Variants in CYP1A2 observed in about 807,000 individuals in gnomAD.
CYP1A2 encodes cytochrome P450 family 1 subfamily A member 2, also known as cytochrome P450 1A2.
CYP1A2 carries 35 observed loss-of-function variants against 34.7 expected under a neutral mutation model. The ratio of observed to expected loss-of-function variants is 1.01; its 90% CI spans 0.77 to 1.34. CYP1A2 has a LOEUF of 1.34. CYP1A2 is among the 40% of genes most tolerant of loss of function. CYP1A2 has a pLI of 0.00. For synonymous variants in CYP1A2, 288 were observed against 281.9 expected (o/e 1.02, Z -0.22); for missense variants, 675 against 675.8 (o/e 1.00, Z 0.01).
Position 74,750,025 on chromosome 15 carries a change from A to C in CYP1A2, c.287A>C (p.Gln96Pro). The change falls in exon 2 of 7, where the codon CAG becomes CCG. Residue 96 changes from glutamine to proline, a missense_variant. Physicochemically the swap from Gln to Pro is moderately conservative, Grantham distance 76. Coordinates refer to ENST00000343932, the MANE Select transcript of CYP1A2 (RefSeq NM_000761.5). ...LVLSRLDTIRQALVRQGDDFK... is the reference protein window; with the variant it reads ...LVLSRLDTIRPALVRQGDDFK... ...CTGAGCCGCCTGGACACCATCCGGCAGGCCCTGGTGCGGCAGGGCGACGAT... is the reference window on the plus strand; with the variant it reads ...CTGAGCCGCCTGGACACCATCCGGCCGGCCCTGGTGCGGCAGGGCGACGAT... 1 of 1,614,054 alleles carries C rather than the reference A, an allele frequency of 6.2e-7. No individual in the cohort carries two copies. Among genetic ancestry groups the C allele is most frequent in the East Asian group, 2.2e-5 (1 of 44,870 alleles).
At chr15:74,750,691 C>T in intron 2 of CYP1A2, 122 bp downstream of exon 2, 1 of 779,666 alleles carries the variant, frequency 1.3e-6, no homozygotes, top group South Asian at 1.7e-5. Context: ...CTCTGGACAC[C>T]TCAGACCAGC....
In CYP1A2 at chr15:74,756,279, G is replaced by C. The variant is rs2063337764; in HGVS notation, c.*1191G>C. The C allele has an allele frequency of 6.6e-6, 1 of 151,738 alleles. No individual in the cohort carries two copies. The highest frequency in any genetic ancestry group is 2.4e-5 in the African/African-American group (1 of 41,326). The allele number at this position is 151,738 out of a possible 1,614,324, so 9.4% of individuals were successfully genotyped here. A position where few individuals can be genotyped will look rare whatever the true frequency, so the allele number is the denominator to read the frequency against. ...ACTACAGGCACACACCACCACGCCT[G>C]GCTAATTTTTGTATTTTTAGTAGAG... is the stretch of plus-strand genomic sequence containing the variant. On this transcript the variant is annotated 3_prime_UTR_variant, in exon 7 of 7. Transcript: ENST00000343932.
chr15:74,753,418 C>G, intron 6 of CYP1A2, 148 bp downstream of exon 6: 1 of 636,570 alleles, frequency 1.6e-6, no homozygotes, highest in African/African-American at 1.9e-5. Flanking sequence ...AAAAGTTTCA[C>G]AAACTTTAGT....
intron 1 of CYP1A2, among the ~76,000 whole-genome samples, chr15:74,749,340 G>A (rs906114845): frequency 6.6e-6 from 1 of 152,218 alleles, no homozygotes; most frequent in Non-Finnish European, 1.5e-5. Flanking sequence ...TCAGCAGAAA[G>A]CCAGCACTGG....
chr15:74,754,968 G>A lies in CYP1A2; in HGVS notation c.1431G>A (p.Gln477=). The A allele has an allele frequency of 6.2e-7, 1 of 1,614,250 alleles. No individual in the cohort carries two copies. The highest frequency in any genetic ancestry group is 1.3e-5 in the African/African-American group (1 of 75,062). ...TCCTCTTCCTGGCCATCCTGCTACA[G>A]CAACTGGAGTTCAGCGTGCCGCCGG... is the stretch of plus-strand genomic sequence containing the variant. The part of the protein sequence containing the change: ...EIFLFLAILL[Q]QLEFSVPPGV... Residue 477 remains glutamine (Q), a synonymous_variant, in exon 7 of 7, where the codon CAG becomes CAA. Transcript: ENST00000343932.
chr15:74,754,906 C>A lies in CYP1A2; in HGVS notation c.1369C>A (p.Arg457=), dbSNP rs34151816. Residue 457 remains arginine (R), a synonymous_variant, in exon 7 of 7, where the codon CGG becomes AGG. Coordinates refer to ENST00000343932, the MANE Select transcript of CYP1A2 (RefSeq NM_000761.5). The part of the protein sequence containing the change: ...KMMLFGMGKR[R]CIGEVLAKWE... ...GATGCTGTTTGGCATGGGCAAGCGC[C>A]GGTGTATCGGGGAAGTCCTGGCCAA... 5.0e-6 allele frequency: 8 copies of A among 1,614,090 alleles called. No individual in the cohort carries two copies. Among genetic ancestry groups the A allele is most frequent in the Non-Finnish European group, 6.8e-6 (8 of 1,180,058 alleles).
At position 74,755,283 on chromosome 15, in the gene CYP1A2, A is replaced by T; in HGVS notation, c.*195A>T. On this transcript the variant is annotated 3_prime_UTR_variant, in exon 7 of 7. Coordinates refer to ENST00000343932, the MANE Select transcript of CYP1A2 (RefSeq NM_000761.5). ...AATTGGAAAGCAGCCTGGCCAACATAGTGGGACCCTGTCTCTACAAAAAAA... is the reference window on the plus strand; with the variant it reads ...AATTGGAAAGCAGCCTGGCCAACATTGTGGGACCCTGTCTCTACAAAAAAA... 5.0e-6 allele frequency: 3 copies of T among 599,128 alleles called. No individual in the cohort carries two copies. Among genetic ancestry groups the T allele is most frequent in the Non-Finnish European group, 8.2e-6 (3 of 365,956 alleles). 37.1% of individuals were successfully genotyped at this position (599,128 alleles called of 1,614,324 possible). A position where few individuals can be genotyped will look rare whatever the true frequency, so the allele number is the denominator to read the frequency against.
rs903733477 is a variant in CYP1A2, at chr15:74,756,583, A to T, written c.*1495A>T. On this transcript the variant is annotated 3_prime_UTR_variant, in exon 7 of 7. Coordinates refer to ENST00000343932, the MANE Select transcript of CYP1A2 (RefSeq NM_000761.5). The stretch of plus-strand genomic sequence containing the variant: ...TTTGCCTTCTCTAAACATTTCATAT[A>T]AATGGAATTACACAATGAGTGGTCT... 6.6e-6 allele frequency among the ~76,000 whole-genome samples: 1 copy of T among 152,170 alleles called. No individual in the cohort carries two copies. The highest frequency in any genetic ancestry group is 1.5e-5 in the Non-Finnish European group (1 of 68,038).
At chr15:74,751,395 C>T in intron 3 of CYP1A2, 86 bp downstream of exon 3, 1 of 1,558,480 alleles carries the variant, frequency 6.4e-7, no homozygotes, top group Non-Finnish European at 8.7e-7. Flanking sequence ...ATGAAATAAC[C>T]CACCAACCCT....
rs774412529 is a variant in CYP1A2, at chr15:74,754,917, G to A, written c.1380G>A (p.Gly460=). The change falls in exon 7 of 7, where the codon GGG becomes GGA. Residue 460 remains glycine (G), a synonymous_variant. Transcript: ENST00000343932. ...LFGMGKRRCI[G]EVLAKWEIFL... ...GCATGGGCAAGCGCCGGTGTATCGGGGAAGTCCTGGCCAAGTGGGAGATCT... is the reference window on the plus strand; with the variant it reads ...GCATGGGCAAGCGCCGGTGTATCGGAGAAGTCCTGGCCAAGTGGGAGATCT... 6 of 1,614,240 alleles carry A rather than the reference G, an allele frequency of 3.7e-6. No individual in the cohort carries two copies. The Admixed American group carries it at 6.7e-5, about 18-fold the overall frequency.
rs1240330369 is a variant in CYP1A2, at chr15:74,755,328, G to A, written c.*240G>A. 2.6e-6 allele frequency: 1 copy of A among 385,456 alleles called. No homozygotes were observed. The highest frequency in any genetic ancestry group is 4.8e-5 in the East Asian group (1 of 20,704). The allele number at this position is 385,456 out of a possible 1,614,324, so 23.9% of individuals were successfully genotyped here. The stretch of plus-strand genomic sequence containing the variant: ...AAAAAAAAATTTGCCAAGAGCCTGA[G>A]TGACAGAGCAAGACCCCATCTCAAA... On this transcript the variant is annotated 3_prime_UTR_variant, in exon 7 of 7. Transcript: ENST00000343932.
At chr15:74,752,870 C>CCT (rs773874603) in intron 5 of CYP1A2, among the ~76,000 whole-genome samples, 1 of 96,200 alleles carries the variant, frequency 1.0e-5, no homozygotes, top group South Asian at 4.0e-4. Context: ...CTGCCTGCTG[C>CCT]TTTTTTTTTT....
chr15:74,753,733 CAA>C lies in CYP1A2; in HGVS notation c.1253+480_1253+481del, dbSNP rs34240703. 6.9e-3 allele frequency among the ~76,000 whole-genome samples: 890 copies of C among 129,288 alleles called. 5 individuals carry two copies. Among genetic ancestry groups the C allele is most frequent in the African/African-American group, 0.016 (530 of 34,120 alleles). The allele number at this position is 129,288 out of a possible 152,430, so 84.8% of individuals were successfully genotyped here. The stretch of plus-strand genomic sequence containing the variant: ...TGGGTGACGGAGTGAGACTCTGCCT[CAA>C]AAAAAAAAAAAAAAAATCAACCAAG... On this transcript the variant is annotated intron_variant, in intron 6 of 6. Coordinates refer to ENST00000343932, the MANE Select transcript of CYP1A2 (RefSeq NM_000761.5).
chr15:74,751,120 G>A lies in CYP1A2; in HGVS notation c.832-69G>A, dbSNP rs558663720. The stretch of plus-strand genomic sequence containing the variant: ...ACCCAGCCACCAGGTACAGGCCAGG[G>A]GAGTGGAGCAACGTTCAGCCTTTGA... On this transcript the variant is annotated intron_variant, in intron 2 of 6. Coordinates refer to ENST00000343932, the MANE Select transcript of CYP1A2 (RefSeq NM_000761.5). 34 of 1,594,370 alleles carry A rather than the reference G, an allele frequency of 2.1e-5. No homozygotes were observed. The South Asian group carries it at 3.3e-4, about 15-fold the overall frequency.
chr15:74,751,018 A>G lies in CYP1A2; in HGVS notation c.832-171A>G, dbSNP rs35407489. 7.0e-4 allele frequency among the ~76,000 whole-genome samples: 107 copies of G among 152,266 alleles called. 1 individual carries two copies. The highest frequency in any genetic ancestry group is 2.1e-3 in the African/African-American group (86 of 41,554). ...GGGGCATAAAATGACACTTTAAGCC[A>G]TACCCAGGGCTGCTACCAGCTCCTG... On this transcript the variant is annotated intron_variant, in intron 2 of 6. Coordinates refer to ENST00000343932, the MANE Select transcript of CYP1A2 (RefSeq NM_000761.5).
chr15:74,749,918 C>A lies in CYP1A2; in HGVS notation c.180C>A (p.Asn60Lys). Residue 60 changes from asparagine to lysine, a missense_variant, in exon 2 of 7, where the codon AAC becomes AAA. Coordinates refer to ENST00000343932, the MANE Select transcript of CYP1A2 (RefSeq NM_000761.5). ...LLGHVLTLGKNPHLALSRMSQ... is the reference protein window; with the variant it reads ...LLGHVLTLGKKPHLALSRMSQ... ...GGCATGTGCTGACCCTGGGGAAGAACCCGCACCTGGCACTGTCAAGGATGA... is the reference window on the plus strand; with the variant it reads ...GGCATGTGCTGACCCTGGGGAAGAAACCGCACCTGGCACTGTCAAGGATGA... The A allele has an allele frequency of 6.2e-7, 1 of 1,610,810 alleles. No individual in the cohort carries two copies. The highest frequency in any genetic ancestry group is 8.5e-7 in the Non-Finnish European group (1 of 1,177,438).
intron 4 of CYP1A2, 73 bp from the exon 5 acceptor site, chr15:74,752,051 G>C: frequency 1.3e-6 from 2 of 1,593,444 alleles, no homozygotes; most frequent in South Asian, 2.3e-5. Flanking sequence ...GAGTGACATG[G>C]GGTATAAGAG....
chr15:74,751,146 C>T (rs908670064), intron 2 of CYP1A2, 43 bp from the exon 3 acceptor site: 2 of 1,610,780 alleles, frequency 1.2e-6, no homozygotes, highest in Non-Finnish European at 1.7e-6. Context: ...CAGCCTTTGA[C>T]CTTGGAAGTG....
chr15:74,751,268 A>C lies in CYP1A2; in HGVS notation c.911A>C (p.Gln304Pro). ...GPRASGNLIPQEKIVNLVNDI... is the reference protein window; with the variant it reads ...GPRASGNLIPPEKIVNLVNDI... ...AGAGCCAGCGGCAACCTCATCCCAC[A>C]GGAGAAGATTGTCAACCTTGTCAAT... is the stretch of plus-strand genomic sequence containing the variant. The change falls in exon 3 of 7, where the codon CAG becomes CCG. Residue 304 changes from glutamine (Q) to proline (P), a missense_variant. Coordinates refer to ENST00000343932, the MANE Select transcript of CYP1A2 (RefSeq NM_000761.5). 1 of 1,614,178 alleles carries C rather than the reference A, an allele frequency of 6.2e-7. No individual in the cohort carries two copies. Among genetic ancestry groups the C allele is most frequent in the Non-Finnish European group, 8.5e-7 (1 of 1,180,008 alleles).
Sources: allele counts gnomAD v4.1 joint callset (sites outside exome capture counted in the v4.1 genomes callset), GRCh38; gene constraint gnomAD v4.1.1; transcripts MANE v1.5; gene names NCBI Gene and HGNC (gene_info 2026-07-23, HGNC 2026-07-21).